Variants in KIDINS220 observed in about 807,000 individuals in gnomAD.
KIDINS220 encodes kinase D-interacting substrate of 220 kDa.
In KIDINS220, 63 loss-of-function variants were observed where a neutral mutation model predicts 157.6. The ratio of observed to expected loss-of-function variants is 0.40; its 90% CI spans 0.33 to 0.49. The LOEUF is 0.49. KIDINS220 is among the 20% of genes least tolerant of loss of function. The pLI, the probability that KIDINS220 is intolerant of heterozygous loss-of-function variation, is 0.66. For synonymous variants in KIDINS220, 732 were observed against 783.6 expected (o/e 0.93, Z 1.10); for missense variants, 1,772 against 2,171.2 (o/e 0.82, Z 3.65).
Position 8,808,029 on chromosome 2 carries a change from C to T in KIDINS220, c.505-1660G>A, listed in dbSNP as rs1369794024. ...GTCCCAGCTACCGGGGAGGCTGATG[C>T]AGGACGATCACTTAAACCTAAGAGG... is the stretch of plus-strand genomic sequence containing the variant. On this transcript the variant is annotated intron_variant, in intron 6 of 29. Transcript: ENST00000256707. Among the ~76,000 whole-genome samples the T allele has an allele frequency of 2.0e-5, 3 of 151,918 alleles. No homozygotes were observed. In the South Asian group the frequency reaches 6.2e-4, roughly 32 times the overall value.
At chr2:8,815,396 CAA>C (rs70946387) in intron 4 of KIDINS220, among the ~76,000 whole-genome samples, 10 of 116,556 alleles carry the variant, frequency 8.6e-5, no homozygotes, top group Non-Finnish European at 1.1e-4. Flanking sequence ...GACCCTGTCT[CAA>C]AAAAAAAAAA....
rs553563543 is a variant in KIDINS220, at chr2:8,783,001, C to T, written c.2229+2740G>A. 3.9e-5 allele frequency among the ~76,000 whole-genome samples: 6 copies of T among 152,138 alleles called. No individual in the cohort carries two copies. The South Asian group carries it at 1.2e-3, about 32-fold the overall frequency. Reference sequence around the variant, plus strand: ...TCACCTGAGGTCAGGAGTTCAAGACCAGCCTGATCAACACGGTGAAACTCC... The same window carrying T: ...TCACCTGAGGTCAGGAGTTCAAGACTAGCCTGATCAACACGGTGAAACTCC... On this transcript the variant is annotated intron_variant, in intron 17 of 29. Coordinates refer to ENST00000256707, the MANE Select transcript of KIDINS220 (RefSeq NM_020738.4).
chr2:8,787,069 G>A (rs1468854698), intron 15 of KIDINS220, among the ~76,000 whole-genome samples: 3 of 150,806 alleles, frequency 2.0e-5, no homozygotes, highest in Non-Finnish European at 4.4e-5. Flanking sequence ...AATATACTGT[G>A]TGGTCTTGAC....
intron 20 of KIDINS220, among the ~76,000 whole-genome samples, 186 bp downstream of exon 20, chr2:8,778,453 C>A (rs1157094119): frequency 6.6e-6 from 1 of 152,206 alleles, no homozygotes; most frequent in Non-Finnish European, 1.5e-5. Context: ...ATACGAAGTA[C>A]AGTTGTTAGG....
At chr2:8,749,778 A>G (rs1038284434) in intron 24 of KIDINS220, among the ~76,000 whole-genome samples, 3 of 152,218 alleles carry the variant, frequency 2.0e-5, no homozygotes, top group Non-Finnish European at 4.4e-5. Flanking sequence ...TATACAAGAT[A>G]TAACAAATAG....
At chr2:8,820,318 T>C (rs1184453707) in intron 2 of KIDINS220, among the ~76,000 whole-genome samples, 1 of 152,258 alleles carries the variant, frequency 6.6e-6, no homozygotes, top group Admixed American at 6.5e-5. Context: ...CCGGGAAACA[T>C]GTCTGTTTTG....
intron 11 of KIDINS220, among the ~76,000 whole-genome samples, chr2:8,795,019 G>A (rs569580812): frequency 3.9e-5 from 6 of 152,302 alleles, no homozygotes; most frequent in South Asian, 2.1e-4. Context: ...AGCTTATGTC[G>A]TAATAGGAAG....
At chr2:8,733,088 T>C (rs1290282443) in intron 29 of KIDINS220, among the ~76,000 whole-genome samples, 2 of 152,182 alleles carry the variant, frequency 1.3e-5, no homozygotes. Flanking sequence ...CCAATGAAGA[T>C]GTACTTCAAC....
chr2:8,785,835 C>T lies in KIDINS220; in HGVS notation c.2135G>A (p.Trp712Ter). The change falls in exon 17 of 30, where the codon TGG becomes TAG. Residue 712 changes from tryptophan to a stop codon, truncating the protein, a stop_gained. Transcript: ENST00000256707. LOFTEE classifies it high-confidence loss of function. ...ATTCAGGAGCGAGTCCAGCACTTGC[C>T]ACCATGTACGACAGTTCAACACAAA... The part of the protein sequence containing the change: ...LAFVLNCRTW[W>*]QVLDSLLNSQ... The T allele has an allele frequency of 6.2e-7, 1 of 1,614,112 alleles. No homozygotes were observed. The highest frequency in any genetic ancestry group is 8.5e-7 in the Non-Finnish European group (1 of 1,179,996).
chr2:8,779,440 CATTT>C, intron 18 of KIDINS220, among the ~76,000 whole-genome samples: 1 of 152,318 alleles, frequency 6.6e-6, no homozygotes, highest in Admixed American at 6.5e-5. Context: ...ATGCTCTATT[CATTT>C]TTCTCACAGT....
intron 11 of KIDINS220, among the ~76,000 whole-genome samples, chr2:8,796,192 C>T (rs1336483937): frequency 1.3e-5 from 2 of 152,138 alleles, no homozygotes; most frequent in Non-Finnish European, 2.9e-5. Context: ...TTACTTTATA[C>T]ATCAGTTCAC....
Position 8,748,000 on chromosome 2 carries a change from G to A in KIDINS220, c.3415C>T (p.Pro1139Ser), listed in dbSNP as rs1485644902. 6.5e-7 allele frequency: 1 copy of A among 1,535,984 alleles called. No individual in the cohort carries two copies. Residue 1139 changes from proline to serine, a missense_variant and splice_region_variant, in exon 25 of 30, where the codon CCA (proline) becomes TCA (serine). This residue lies in a region of KIDINS220 where 793 missense variants were observed against 885.5 expected (regional missense o/e 0.90). Coordinates refer to ENST00000256707, the MANE Select transcript of KIDINS220 (RefSeq NM_020738.4). ...TGPQHPFYNRPFFAPYLYTPR... is the reference protein window; with the variant it reads ...TGPQHPFYNRSFFAPYLYTPR... ...GTGTAAAGGTATGGGGCAAAGAATG[G>A]CTATGGAAAAACATGTAACAAAAAA... is the stretch of plus-strand genomic sequence containing the variant.
chr2:8,775,335 A>C (rs1390244185), intron 21 of KIDINS220, among the ~76,000 whole-genome samples: 1 of 152,240 alleles, frequency 6.6e-6, no homozygotes, highest in Non-Finnish European at 1.5e-5. Context: ...TGCGGTCGCC[A>C]AGGTAGCAGG....
intron 3 of KIDINS220, 31 bp from the exon 4 acceptor site, chr2:8,817,747 T>G (rs1677294441): frequency 1.4e-6 from 2 of 1,466,340 alleles, no homozygotes; most frequent in Non-Finnish European, 9.4e-7. Flanking sequence ...GTTATCATTT[T>G]CAAACCAAAA....
At chr2:8,755,375 G>T (rs1667880884) in intron 22 of KIDINS220, among the ~76,000 whole-genome samples, 1 of 152,054 alleles carries the variant, frequency 6.6e-6, no homozygotes, top group Admixed American at 6.5e-5. Flanking sequence ...CTTTCTTAAT[G>T]TTTATCTCCC....
chr2:8,791,668 G>T (rs181606322), intron 12 of KIDINS220, among the ~76,000 whole-genome samples: 1 of 151,950 alleles, frequency 6.6e-6, no homozygotes, highest in Non-Finnish European at 1.5e-5. Context: ...ACACAAATAA[G>T]CATATAAAAT....
intron 11 of KIDINS220, 41 bp from the exon 12 acceptor site, chr2:8,794,028 A>G (rs1378960812): frequency 6.9e-7 from 1 of 1,458,020 alleles, no homozygotes; most frequent in African/African-American, 1.4e-5. Context: ...TCTTATCTTT[A>G]TATATAGTAT....
In KIDINS220 at chr2:8,790,022, A is replaced by G. The variant is rs755823098; in HGVS notation, c.1479T>C (p.Pro493=). The change falls in exon 14 of 30, where the codon CCT becomes CCC. Residue 493 remains proline, a synonymous_variant. Transcript: ENST00000256707. Reference sequence around the variant, plus strand: ...CTATGAGCCATGAGAACTGAAAGAGAGGCTCAATCTGTTGTCCGGCGAAGG... The same window carrying G: ...CTATGAGCCATGAGAACTGAAAGAGGGGCTCAATCTGTTGTCCGGCGAAGG... The part of the protein sequence containing the change: ...MKTFAGQQIE[P]LFQFSWLIVF... 2 of 1,604,946 alleles carry G rather than the reference A, an allele frequency of 1.2e-6. No homozygotes were observed. The highest frequency in any genetic ancestry group is 4.5e-5 in the East Asian group (2 of 44,826).
intron 7 of KIDINS220, among the ~76,000 whole-genome samples, chr2:8,803,615 AGT>A (rs1675031716): frequency 6.6e-6 from 1 of 152,238 alleles, no homozygotes; most frequent in African/African-American, 2.4e-5. Context: ...TTTCAAGAAA[AGT>A]GTAATATACT....
Sources: allele counts gnomAD v4.1 joint callset (sites outside exome capture counted in the v4.1 genomes callset), GRCh38; gene constraint gnomAD v4.1.1; regional missense constraint gnomAD v4.1.1; transcripts MANE v1.5; gene names NCBI Gene and HGNC (gene_info 2026-07-23, HGNC 2026-07-21).